The following GASK1B variants were observed in gnomAD, a reference collection of about 807,000 sequenced individuals.
GASK1B encodes Golgi-associated kinase 1B.
Under a neutral mutation model 42.8 loss-of-function variants are expected in GASK1B, and 34 were observed. The ratio of observed to expected loss-of-function variants is 0.79; its 90% CI spans 0.60 to 1.06. The LOEUF is 1.06. Among genes scored for constraint, GASK1B ranks in the 50% least tolerant of loss-of-function variants. The probability of loss-of-function intolerance (pLI) is 0.00; values close to 1 mark genes in which losing one functional copy is unlikely to be tolerated. For missense variants in GASK1B, 686 were observed against 661.0 expected, an observed-to-expected ratio of 1.04 and a Z score of -0.42; for synonymous variants, 262 against 259.1, an observed-to-expected ratio of 1.01 and a Z score of -0.11.
chr4:158,170,688 T>G lies in GASK1B; in HGVS notation c.688A>C (p.Ser230Arg). 2 of 1,614,194 alleles carry G rather than the reference T, an allele frequency of 1.2e-6. No homozygotes were observed. The highest frequency in any genetic ancestry group is 1.6e-4 in the Middle Eastern group (1 of 6,062). The stretch of plus-strand genomic sequence containing the variant: ...ACAGGCCGGAGCCCTGCCACTGCGC[T>G]GTCCGCCAAGAGTCGCATTCTTCGG... ...DIRRMRLLAD[S>R]AVAGLRPVSS... The change falls in exon 2 of 5, where the codon AGC (serine) becomes CGC (arginine). Residue 230 changes from serine to arginine, a missense_variant. Physicochemically the swap from Ser to Arg is moderately radical, Grantham distance 110. Transcript: ENST00000585682.
chr4:158,131,254 G>T (rs1255887734), intron 3 of GASK1B, among the ~76,000 whole-genome samples: 1 of 152,088 alleles, frequency 6.6e-6, no homozygotes, highest in Non-Finnish European at 1.5e-5. Flanking sequence ...TCCAAGTTAG[G>T]CATCTCCACC....
chr4:158,150,126 C>T (rs531095479), intron 3 of GASK1B, among the ~76,000 whole-genome samples: 161 of 151,816 alleles, frequency 1.1e-3, no homozygotes, highest in African/African-American at 3.8e-3. Flanking sequence ...GGGGTTTCAC[C>T]GTGTTAACCA....
intron 2 of GASK1B, chr4:158,168,318 G>T (rs1401849401): frequency 6.6e-6 from 1 of 152,126 alleles, no homozygotes; most frequent in Non-Finnish European, 1.5e-5. Context: ...AAAGATGCTG[G>T]AAATTCAGAG....
intron 3 of GASK1B, among the ~76,000 whole-genome samples, chr4:158,147,586 GA>G (rs1396858441): frequency 6.9e-6 from 1 of 144,642 alleles, no homozygotes; most frequent in Non-Finnish European, 1.5e-5. Context: ...CTAGGCAACA[GA>G]GCAAGACTCT....
chr4:158,146,868 A>G (rs1057084728), intron 3 of GASK1B, among the ~76,000 whole-genome samples: 9 of 152,320 alleles, frequency 5.9e-5, no homozygotes, highest in Middle Eastern at 3.4e-3. Context: ...ATTTTTGTCT[A>G]GGCAGTTTAT....
At chr4:158,131,666 T>A (rs975824381) in intron 3 of GASK1B, among the ~76,000 whole-genome samples, 2 of 152,242 alleles carry the variant, frequency 1.3e-5, no homozygotes, top group East Asian at 3.9e-4. Context: ...CCAGATTAAT[T>A]AGAAAAAGAA....
intron 3 of GASK1B, among the ~76,000 whole-genome samples, chr4:158,134,308 A>G (rs1272341238): frequency 6.6e-6 from 1 of 152,206 alleles, no homozygotes; most frequent in African/African-American, 2.4e-5. Flanking sequence ...ATGAATCCAT[A>G]ATATGGTTTT....
intron 2 of GASK1B, among the ~76,000 whole-genome samples, chr4:158,162,004 T>C (rs1025449060): frequency 6.6e-6 from 1 of 152,172 alleles, no homozygotes; most frequent in Non-Finnish European, 1.5e-5. Context: ...TAAACCCTAA[T>C]CTGTTGTTTT....
At chr4:158,129,550 A>G (rs1730592087) in intron 4 of GASK1B, among the ~76,000 whole-genome samples, 1 of 152,190 alleles carries the variant, frequency 6.6e-6, no homozygotes, top group Admixed American at 6.5e-5. Flanking sequence ...CATGTAAGTA[A>G]TAGTGTTTAG....
intron 3 of GASK1B, among the ~76,000 whole-genome samples, chr4:158,141,443 T>C (rs553138566): frequency 6.6e-6 from 1 of 151,332 alleles, no homozygotes; most frequent in Non-Finnish European, 1.5e-5. Context: ...TGAGTTAGGG[T>C]GGCTAGGCTA....
chr4:158,169,973 G>C, intron 2 of GASK1B: 2 of 448,712 alleles, frequency 4.5e-6, no homozygotes, highest in Non-Finnish European at 7.9e-6. Context: ...AAAAAAAGGG[G>C]GGGTTAAACC....
At chr4:158,147,647 A>C (rs148269678) in intron 3 of GASK1B, among the ~76,000 whole-genome samples, 1 of 152,008 alleles carries the variant, frequency 6.6e-6, no homozygotes, top group African/African-American at 2.4e-5. Flanking sequence ...TTAAAAAAAA[A>C]CTTGTATGAT....
rs1730383800 is a variant in GASK1B at position 158,124,663 on chromosome 4, T to C, written c.*2744A>G. 6.6e-6 allele frequency: 1 copy of C among 152,150 alleles called. No individual in the cohort carries two copies. Among genetic ancestry groups the C allele is most frequent in the Admixed American group, 6.6e-5 (1 of 15,252 alleles). 9.4% of individuals were successfully genotyped at this position (152,150 alleles called of 1,614,324 possible). Reference sequence around the variant, plus strand: ...ATGGCACAGTAGAATAAACAGGCTATGATTACAAGTCCAAAGATTACAAAT... The same window carrying C: ...ATGGCACAGTAGAATAAACAGGCTACGATTACAAGTCCAAAGATTACAAAT... On this transcript the variant is annotated 3_prime_UTR_variant, in exon 5 of 5. Coordinates refer to ENST00000585682, the MANE Select transcript of GASK1B (RefSeq NM_001128424.2).
chr4:158,161,263 C>T (rs1175150917), intron 2 of GASK1B, among the ~76,000 whole-genome samples: 1 of 151,640 alleles, frequency 6.6e-6, no homozygotes, highest in Non-Finnish European at 1.5e-5. Context: ...ACATTGTGCC[C>T]ATAAACATAT....
chr4:158,136,505 AAC>A (rs1332749427), intron 3 of GASK1B, among the ~76,000 whole-genome samples: 3 of 152,216 alleles, frequency 2.0e-5, no homozygotes, highest in East Asian at 3.8e-4. Flanking sequence ...AACTAAAGGA[AAC>A]ACAGGCAGAA....
In GASK1B at chr4:158,170,438, C is replaced by T. The variant is rs780046308; in HGVS notation, c.910+28G>A. The T allele has an allele frequency of 9.3e-6, 15 of 1,614,206 alleles. No homozygotes were observed. The South Asian group carries it at 1.6e-4, about 18-fold the overall frequency. On this transcript the variant is annotated intron_variant, in intron 2 of 4. Coordinates refer to ENST00000585682, the MANE Select transcript of GASK1B (RefSeq NM_001128424.2). ...AATGAACCAGAATCCCCAACAGCTG[C>T]AAATAACGAAGCATGTGAATCTGTT...
chr4:158,163,338 A>C (rs1732100618), intron 2 of GASK1B, among the ~76,000 whole-genome samples: 1 of 152,226 alleles, frequency 6.6e-6, no homozygotes, highest in East Asian at 1.9e-4. Flanking sequence ...TGGGAAACCA[A>C]GGCAGGTGGA....
At chr4:158,135,396 T>C (rs1172497244) in intron 3 of GASK1B, among the ~76,000 whole-genome samples, 3 of 150,176 alleles carry the variant, frequency 2.0e-5, no homozygotes, top group South Asian at 2.1e-4. Flanking sequence ...ATATTAATAA[T>C]AAAAATATTA....
At chr4:158,146,035 T>C (rs1324019275) in intron 3 of GASK1B, among the ~76,000 whole-genome samples, 2 of 152,238 alleles carry the variant, frequency 1.3e-5, no homozygotes, top group African/African-American at 4.8e-5. Flanking sequence ...CTTCTAATTC[T>C]CTTCCTTTAA....
Sources: allele counts gnomAD v4.1 joint callset (sites outside exome capture counted in the v4.1 genomes callset), GRCh38; gene constraint gnomAD v4.1.1; transcripts MANE v1.5; gene names NCBI Gene and HGNC (gene_info 2026-07-23, HGNC 2026-07-21).